Variants in TULP4 observed in about 807,000 individuals in gnomAD.
The protein encoded by TULP4 is tubby-related protein 4.
In TULP4, 16 loss-of-function variants were observed where a neutral mutation model predicts 129.0. The observed-to-expected ratio is 0.12, with a 90% confidence interval of 0.08 to 0.19. TULP4 has a LOEUF of 0.19. TULP4 is among the 10% of genes least tolerant of loss of function. The pLI, the probability that TULP4 is intolerant of heterozygous loss-of-function variation, is 1.00. For missense variants in TULP4, 1,842 were observed against 2,059.1 expected (o/e 0.89, Z 2.04); for synonymous variants, 998 against 854.0 (o/e 1.17, Z -2.94).
chr6:158,320,000 T>G (rs1779589256), intron 1 of TULP4, among the ~76,000 whole-genome samples: 1 of 152,216 alleles, frequency 6.6e-6, no homozygotes, highest in South Asian at 2.1e-4. Flanking sequence ...AAAAAATGAA[T>G]GATCAGCCAA....
chr6:158,295,369 C>G (rs1333634277), intron 1 of TULP4, among the ~76,000 whole-genome samples: 1 of 151,984 alleles, frequency 6.6e-6, no homozygotes, highest in Non-Finnish European at 1.5e-5. Context: ...TTAAAAAAAA[C>G]TTCCTTACTA....
At position 158,431,995 on chromosome 6, in the gene TULP4, G is replaced by T. The variant is rs560819700; in HGVS notation, c.543+2098G>T. 1.7e-4 allele frequency among the ~76,000 whole-genome samples: 25 copies of T among 151,368 alleles called. 1 individual carries two copies. In the South Asian group the frequency reaches 5.2e-3, roughly 32 times the overall value. ...CTTTAAATAAAATGGTTGCAGCAGG[G>T]TGCCTGTTGTCTCAGCTAGTCAGGA... On this transcript the variant is annotated intron_variant, in intron 3 of 13. Transcript: ENST00000367097.
At chr6:158,342,167 C>T (rs912971177) in intron 1 of TULP4, among the ~76,000 whole-genome samples, 1 of 152,234 alleles carries the variant, frequency 6.6e-6, no homozygotes, top group African/African-American at 2.4e-5. Flanking sequence ...CCGCCCATGT[C>T]GGCCTCCCAA....
chr6:158,466,370 A>G (rs1179771677), intron 6 of TULP4, among the ~76,000 whole-genome samples: 6 of 151,842 alleles, frequency 4.0e-5, no homozygotes, highest in Non-Finnish European at 7.4e-5. Flanking sequence ...CAACATTGTC[A>G]TTTTTCTGGG....
In TULP4 at chr6:158,406,033, C is replaced by T. The variant is rs569733114; in HGVS notation, c.253-7032C>T. 9.9e-5 allele frequency among the ~76,000 whole-genome samples: 15 copies of T among 152,272 alleles called. No homozygotes were observed. In the East Asian group the frequency reaches 1.7e-3, roughly 18 times the overall value. ...TCCTCTGAGTGTTCCACCAGGTGCTCCTTGGGCAGGCGTCTCTCCCCTCTT... is the reference window on the plus strand; with the variant it reads ...TCCTCTGAGTGTTCCACCAGGTGCTTCTTGGGCAGGCGTCTCTCCCCTCTT... On this transcript the variant is annotated intron_variant, in intron 1 of 13. Transcript: ENST00000367097.
At chr6:158,291,142 A>G (rs1778932123) in intron 1 of TULP4, among the ~76,000 whole-genome samples, 1 of 152,188 alleles carries the variant, frequency 6.6e-6, no homozygotes, top group South Asian at 2.1e-4. Flanking sequence ...TTTTACCTAC[A>G]TATTTAACAA....
At position 158,401,701 on chromosome 6, in the gene TULP4, T is replaced by A. The variant is rs573026053; in HGVS notation, c.253-11364T>A. ...TGAAGGAGCTCATCTCCGTCTGTAG[T>A]GCATCTGAGCACTGGCTCTGCATTC... is the stretch of plus-strand genomic sequence containing the variant. On this transcript the variant is annotated intron_variant, in intron 1 of 13. Transcript: ENST00000367097. Among the ~76,000 whole-genome samples, 7 of 152,314 alleles carry A rather than the reference T, an allele frequency of 4.6e-5. No individual in the cohort carries two copies. The East Asian group carries it at 1.4e-3, about 29-fold the overall frequency.
At chr6:158,259,665 T>A (rs1778314427) in intron 1 of TULP4, among the ~76,000 whole-genome samples, 1 of 152,234 alleles carries the variant, frequency 6.6e-6, no homozygotes, top group African/African-American at 2.4e-5. Context: ...CTGAACTGAA[T>A]GTCAGACATG....
Position 158,313,870 on chromosome 6 carries a change from T to C in TULP4, c.-147T>C, listed in dbSNP as rs1779422700. ...GTGGATCTTTATAAAATACTGACCT[T>C]CTAATTAGATTCAGGTCAGTCTTAA... On this transcript the variant is annotated 5_prime_UTR_variant, in exon 1 of 14. Transcript: ENST00000367097. 3.5e-6 allele frequency: 3 copies of C among 849,574 alleles called. No homozygotes were observed. Among genetic ancestry groups the C allele is most frequent in the South Asian group, 1.9e-5 (1 of 53,002 alleles). The allele number at this position is 849,574 out of a possible 1,614,324, so 52.6% of individuals were successfully genotyped here. A position where few individuals can be genotyped will look rare whatever the true frequency, so the allele number is the denominator to read the frequency against.
At chr6:158,436,633 G>A (rs1778759920) in intron 3 of TULP4, among the ~76,000 whole-genome samples, 2 of 152,120 alleles carry the variant, frequency 1.3e-5, no homozygotes, top group African/African-American at 2.4e-5. Flanking sequence ...TTAGTTTTCC[G>A]GGAGTAGAGG....
intron 1 of TULP4, among the ~76,000 whole-genome samples, chr6:158,407,989 A>G (rs545313800): frequency 1.3e-5 from 2 of 152,362 alleles, no homozygotes; most frequent in South Asian, 4.1e-4. Flanking sequence ...TTTTGTCCCA[A>G]TAAAGCTGTT....
At position 158,498,676 on chromosome 6, in the gene TULP4, T is replaced by C; in HGVS notation, c.1878T>C (p.Tyr626=). The C allele has an allele frequency of 6.2e-7, 1 of 1,614,188 alleles. No individual in the cohort carries two copies. Among genetic ancestry groups the C allele is most frequent in the Non-Finnish European group, 8.5e-7 (1 of 1,180,030 alleles). The stretch of plus-strand genomic sequence containing the variant: ...CTTCTTTTTCCCCACCAGTAATCTA[T>C]AAAACCAGCCTCCTGCATCTCCAGC... ...FLPTNLGAVI[Y]KTSLLHLQPR... The change falls in exon 12 of 14, where the codon TAT becomes TAC. Residue 626 remains tyrosine (Y), a synonymous_variant. Coordinates refer to ENST00000367097, the MANE Select transcript of TULP4 (RefSeq NM_020245.5).
intron 6 of TULP4, among the ~76,000 whole-genome samples, chr6:158,465,393 C>T (rs1236324261): frequency 6.6e-6 from 1 of 152,074 alleles, no homozygotes; most frequent in Non-Finnish European, 1.5e-5. Context: ...ATTTTGTTTA[C>T]CCATTGATGG....
chr6:158,506,034 A>G (rs1476640029), intron 13 of TULP4, among the ~76,000 whole-genome samples: 2 of 151,634 alleles, frequency 1.3e-5, no homozygotes, highest in Non-Finnish European at 2.9e-5. Flanking sequence ...CCACATTCCA[A>G]ACCTTGCTCA....
intron 1 of TULP4, among the ~76,000 whole-genome samples, chr6:158,299,138 C>G (rs1286012144): frequency 1.3e-5 from 2 of 148,302 alleles, no homozygotes; most frequent in South Asian, 2.1e-4. Context: ...AGGCCTCGGT[C>G]GGGGTGGGGG....
At chr6:158,358,036 T>C (rs575677064) in intron 1 of TULP4, among the ~76,000 whole-genome samples, 2 of 152,184 alleles carry the variant, frequency 1.3e-5, no homozygotes, top group South Asian at 2.1e-4. Flanking sequence ...GTGGGTTAAC[T>C]CAGAACAGAA....
At chr6:158,318,022 A>G (rs1367662765) in intron 1 of TULP4, among the ~76,000 whole-genome samples, 1 of 152,076 alleles carries the variant, frequency 6.6e-6, no homozygotes, top group Admixed American at 6.6e-5. Flanking sequence ...TCTTTCTTGT[A>G]AATTTGTTTA....
intron 1 of TULP4, among the ~76,000 whole-genome samples, chr6:158,298,974 T>C (rs192590283): frequency 6.6e-6 from 1 of 152,230 alleles, no homozygotes; most frequent in Non-Finnish European, 1.5e-5. Flanking sequence ...TCAAAGGGGA[T>C]TTATCATGGA....
chr6:158,323,568 C>A (rs1266553092), intron 1 of TULP4, among the ~76,000 whole-genome samples: 1 of 152,012 alleles, frequency 6.6e-6, no homozygotes, highest in Non-Finnish European at 1.5e-5. Context: ...CTAGGTAGTA[C>A]CTTTAGGTAT....
Sources: gnomAD v4.1 joint callset for allele counts (sites outside exome capture counted in the v4.1 genomes callset) on GRCh38, gnomAD v4.1.1 for gene constraint, MANE v1.5 for transcripts, NCBI Gene and HGNC (gene_info 2026-07-23, HGNC 2026-07-21) for gene names.